TTN: variants seen among roughly 807,000 people sequenced by gnomAD.
TTN encodes titin.
TTN carries 1,525 observed loss-of-function variants against 3,223.0 expected under a neutral mutation model. That is an observed-to-expected ratio of 0.47 (90% CI 0.45 to 0.49). The LOEUF is 0.49. Ranked by LOEUF, TTN falls within the 20% of genes least tolerant of loss-of-function variation. TTN has a pLI of 0.00. For missense variants in TTN, 40,786 were observed against 43,424.0 expected, an observed-to-expected ratio of 0.94 and a Z score of 5.40; for synonymous variants, 14,094 against 15,161.0, an observed-to-expected ratio of 0.93 and a Z score of 5.17.
rs1350090724 is a variant in TTN, at chr2:178,566,650, T to C, written c.79482A>G (p.Ala26494=). 1 of 1,612,998 alleles carries C rather than the reference T, an allele frequency of 6.2e-7. No individual in the cohort carries two copies. The highest frequency in any genetic ancestry group is 1.7e-5 in the Admixed American group (1 of 59,994). ...PVFKPGPPTN[A]HIVDTTKNSI... ...AATTTTTAGTGGTGTCTACAATGTG[T>C]GCATTGGTAGGTGGGCCAGGTTTGA... Residue 26494 remains alanine, a synonymous_variant, in exon 326 of 363, where the codon GCA becomes GCG. Coordinates refer to ENST00000589042, the MANE Select transcript of TTN (RefSeq NM_001267550.2).
rs764161774 is a variant in TTN at position 178,553,534 on chromosome 2, A to C, written c.89471T>G (p.Met29824Arg). 7.4e-6 allele frequency: 12 copies of C among 1,613,452 alleles called. No individual in the cohort carries two copies. Among genetic ancestry groups the C allele is most frequent in the Non-Finnish European group, 1.0e-5 (12 of 1,179,638 alleles). The change falls in exon 334 of 363, where the codon ATG (methionine) becomes AGG (arginine). Residue 29824 changes from methionine to arginine, a missense_variant. Met to Arg is a moderately conservative substitution (Grantham distance 91). Coordinates refer to ENST00000589042, the MANE Select transcript of TTN (RefSeq NM_001267550.2). ...NCAGQGEPIE[M>R]NEPVQAKDIL... ...ATCTTTAGCTTGTACAGGTTCATTC[A>C]TTTCTATAGGTTCTCCTTGTCCAGC...
At chr2:178,788,203 G>A (rs1432083569) in intron 13 of TTN, among the ~76,000 whole-genome samples, 1 of 152,060 alleles carries the variant, frequency 6.6e-6, no homozygotes, top group African/African-American at 2.4e-5. Flanking sequence ...CGAAAAAGAT[G>A]TATTTGTTTT....
rs2081160520 is a variant in TTN, at chr2:178,734,813, A to T, written c.15111T>A (p.Ala5037=). The change falls in exon 51 of 363, where the codon GCT becomes GCA. Residue 5037 remains alanine, a synonymous_variant. Coordinates refer to ENST00000589042, the MANE Select transcript of TTN (RefSeq NM_001267550.2). ...TVRMYFVNSE[A]ILDITDVKVE... ...CTTTTACATCCGTAATATCAAGTAT[A>T]GCCTCAGAATTGACAAAATACATTC... 1.9e-6 allele frequency: 3 copies of T among 1,613,732 alleles called. No individual in the cohort carries two copies. Among genetic ancestry groups the T allele is most frequent in the Admixed American group, 1.7e-5 (1 of 59,986 alleles).
In TTN at chr2:178,575,799, T is replaced by C. The variant is rs1216746795; in HGVS notation, c.70333A>G (p.Thr23445Ala). Residue 23445 changes from threonine to alanine, a missense_variant, in exon 326 of 363, where the codon ACA becomes GCA. Transcript: ENST00000589042. This position sits in a 1 kb window ranked among gnomAD's most constrained non-coding sequence, Gnocchi z 4.0. ...TPGPVLNLRP[T>A]DITKDSVTLH... ...GTGACACTGTCCTTTGTGATGTCTG[T>C]AGGCCGCAGGTTGAGGACTGGGCCT... 3.1e-6 allele frequency: 5 copies of C among 1,613,206 alleles called. No individual in the cohort carries two copies. Among genetic ancestry groups the C allele is most frequent in the Non-Finnish European group, 4.2e-6 (5 of 1,179,302 alleles).
At chr2:178,725,276 T>C in intron 71 of TTN, 92 bp downstream of exon 71, 1 of 1,330,904 alleles carries the variant, frequency 7.5e-7, no homozygotes, top group South Asian at 1.9e-5. Context: ...AATATAGTTC[T>C]AGAAGAAACT....
chr2:178,689,003 ATTTTT>A (rs35770337), intron 125 of TTN, 45 bp downstream of exon 125: 4,578 of 996,134 alleles, frequency 4.6e-3, no homozygotes, highest in Non-Finnish European at 5.5e-3. Flanking sequence ...ACACTCGAAG[ATTTTT>A]TTTTTTTTTT....
rs869312059 is a variant in TTN at position 178,564,862 on chromosome 2, AAGCATCTG to A, written c.81262_81269del (p.Gln27088CysfsTer5). The A allele has an allele frequency of 6.2e-7, 1 of 1,613,034 alleles. No individual in the cohort carries two copies. Among genetic ancestry groups the A allele is most frequent in the Non-Finnish European group, 8.5e-7 (1 of 1,179,570 alleles). Reference sequence around the variant, plus strand: ...CATTCACTGGCTCATGCCATTGCACAAGCATCTGATCTTTTGAGATTGATGTCACAAAA... The same window carrying A: ...CATTCACTGGCTCATGCCATTGCACAATCTTTTGAGATTGATGTCACAAAA... On this transcript the variant is annotated frameshift_variant, in exon 326 of 363. Coordinates refer to ENST00000589042, the MANE Select transcript of TTN (RefSeq NM_001267550.2). LOFTEE classifies it high-confidence loss of function.
chr2:178,563,269 A>G lies in TTN; in HGVS notation c.82863T>C (p.Thr27621=), dbSNP rs1016049802. 1 of 1,613,508 alleles carries G rather than the reference A, an allele frequency of 6.2e-7. No homozygotes were observed. The highest frequency in any genetic ancestry group is 1.3e-5 in the African/African-American group (1 of 74,886). ...EAAADEWTTC[T]PPTGLQGKQF... is the part of the protein sequence containing the mutation. ...GCTTTCCTTGTAATCCTGTTGGTGG[A>G]GTGCAGGTTGTCCATTCATCCGCAG... The change falls in exon 326 of 363, where the codon ACT becomes ACC. Residue 27621 remains threonine, a synonymous_variant. Transcript: ENST00000589042. The surrounding 1 kb of genome is among the most constrained non-coding windows in gnomAD (Gnocchi z 4.5).
chr2:178,680,803 G>A (rs1256497741), intron 138 of TTN, among the ~76,000 whole-genome samples: 2 of 152,014 alleles, frequency 1.3e-5, no homozygotes, highest in Non-Finnish European at 2.9e-5. Flanking sequence ...TATGCCAAAC[G>A]GTCACTGATT....
In TTN at chr2:178,570,662, C is replaced by T. The variant is rs779410073; in HGVS notation, c.75470G>A (p.Arg25157Gln). Residue 25157 changes from arginine (R) to glutamine (Q), a missense_variant, in exon 326 of 363, where the codon CGA (arginine) becomes CAA (glutamine). Transcript: ENST00000589042. ...AAAGTCGGTGCTCTTTATTTCTAAT[C>T]GAGCTGTGTTTGAAAGCTCCTGATC... ...KGDQELSNTA[R>Q]LEIKSTDFAT... The T allele has an allele frequency of 8.7e-6, 14 of 1,613,344 alleles. No individual in the cohort carries two copies. The highest frequency in any genetic ancestry group is 1.3e-5 in the African/African-American group (1 of 74,886).
In TTN at chr2:178,756,494, T is replaced by G. The variant is rs2087010356; in HGVS notation, c.10982A>C (p.Lys3661Thr). 1 of 1,613,862 alleles carries G rather than the reference T, an allele frequency of 6.2e-7. No homozygotes were observed. Among genetic ancestry groups the G allele is most frequent in the Non-Finnish European group, 8.5e-7 (1 of 1,179,818 alleles). ...CAKESTGEAP[K>T]IFLHLQDVTV... ...GACGTCCTGAAGATGCAGGAAAATC[T>G]TGGGCGCCTCACCCGTGGACTCTTT... is the stretch of plus-strand genomic sequence containing the variant. The change falls in exon 46 of 363, where the codon AAG (lysine) becomes ACG (threonine). Residue 3661 changes from lysine to threonine, a missense_variant. By Grantham distance (78) the Lys-to-Thr change is moderately conservative (BLOSUM62 -1). Coordinates refer to ENST00000589042, the MANE Select transcript of TTN (RefSeq NM_001267550.2).
At chr2:178,672,520 G>T in intron 153 of TTN, 39 bp from the exon 154 acceptor site, 1 of 1,602,266 alleles carries the variant, frequency 6.2e-7, no homozygotes, top group South Asian at 1.1e-5. Flanking sequence ...ACTGTCGAGA[G>T]CAAGCTTTCA....
Position 178,717,743 on chromosome 2 carries a change from A to C in TTN, c.25131T>G (p.Val8377=). The C allele has an allele frequency of 4.3e-6, 7 of 1,613,282 alleles. No individual in the cohort carries two copies. The highest frequency in any genetic ancestry group is 5.9e-6 in the Non-Finnish European group (7 of 1,179,558). Residue 8377 remains valine, a synonymous_variant, in exon 87 of 363, where the codon GTT becomes GTG. Transcript: ENST00000589042. ...KDVHETLGFP[V]AFECRINGSE... ...AGCCATTGATGCGGCATTCAAATGC[A>C]ACTGGGAAGCCTAGAGTCTCATGAA...
Position 178,556,909 on chromosome 2 carries a change from A to G in TTN, c.88245T>C (p.Ala29415=). ...QYEFRVFARN[A]VGSISNPSEV... ...CAGATGGATTGCTAATGGAACCAACAGCATTCCTAGCAAAGACACGGAATT... is the reference window on the plus strand; with the variant it reads ...CAGATGGATTGCTAATGGAACCAACGGCATTCCTAGCAAAGACACGGAATT... Residue 29415 remains alanine (A), a synonymous_variant, in exon 330 of 363, where the codon GCT becomes GCC. Transcript: ENST00000589042. The G allele has an allele frequency of 1.9e-6, 3 of 1,613,852 alleles. No individual in the cohort carries two copies. Among genetic ancestry groups the G allele is most frequent in the Non-Finnish European group, 2.5e-6 (3 of 1,179,808 alleles).
At position 178,673,684 on chromosome 2, in the gene TTN, G is replaced by T; in HGVS notation, c.34735C>A (p.Pro11579Thr). The change falls in exon 152 of 363, where the codon CCT becomes ACT. Residue 11579 changes from proline to threonine, a missense_variant. Physicochemically the swap from Pro to Thr is conservative, Grantham distance 38. Coordinates refer to ENST00000589042, the MANE Select transcript of TTN (RefSeq NM_001267550.2). ...RVPEVIKKAV[P>T]EAPTPVPKKV... Reference sequence around the variant, plus strand: ...TTAGGAACAGGAGTAGGTGCTTCAGGTACTGCTTTCTTAATCACTTCAGGC... The same window carrying T: ...TTAGGAACAGGAGTAGGTGCTTCAGTTACTGCTTTCTTAATCACTTCAGGC... 1.3e-6 allele frequency: 2 copies of T among 1,590,320 alleles called. No homozygotes were observed. The highest frequency in any genetic ancestry group is 2.4e-5 in the South Asian group (2 of 84,766).
chr2:178,544,614 C>T lies in TTN; in HGVS notation c.95723-108G>A, dbSNP rs575440205. 3.1e-5 allele frequency: 28 copies of T among 890,060 alleles called. No individual in the cohort carries two copies. In the East Asian group the frequency reaches 6.9e-4, roughly 22 times the overall value. 55.1% of individuals were successfully genotyped at this position (890,060 alleles called of 1,614,324 possible). A position where few individuals can be genotyped will look rare whatever the true frequency, so the allele number is the denominator to read the frequency against. The stretch of plus-strand genomic sequence containing the variant: ...AAAGGCATTATTGCTCTTGTCCACA[C>T]TCACCAAGATAATCTTTATTAACTG... On this transcript the variant is annotated intron_variant, in intron 344 of 362. Transcript: ENST00000589042.
At chr2:178,643,411 C>A (rs187415816) in intron 218 of TTN, among the ~76,000 whole-genome samples, 43 of 151,842 alleles carry the variant, frequency 2.8e-4, no homozygotes, top group African/African-American at 1.0e-3. Flanking sequence ...TTAAACATTA[C>A]GTATTTTATC....
At position 178,589,589 on chromosome 2, in the gene TTN, G is replaced by A. The variant is rs901971997; in HGVS notation, c.62136C>T (p.Ser20712=). The A allele has an allele frequency of 1.7e-5, 27 of 1,613,226 alleles. No homozygotes were observed. In the Admixed American group the frequency reaches 3.8e-4, roughly 23 times the overall value. Residue 20712 remains serine (S), a synonymous_variant, in exon 304 of 363, where the codon TCC becomes TCT. Coordinates refer to ENST00000589042, the MANE Select transcript of TTN (RefSeq NM_001267550.2). ...CTTTATGCACTCTTTCCCAGTCATCGGAGCCCTTAAGCCTTCTCTCAACAT... is the reference window on the plus strand; with the variant it reads ...CTTTATGCACTCTTTCCCAGTCATCAGAGCCCTTAAGCCTTCTCTCAACAT... The part of the protein sequence containing the change: ...SYHVERRLKG[S]DDWERVHKGS...
In TTN at chr2:178,587,373, T is replaced by G; in HGVS notation, c.63838A>C (p.Lys21280Gln). The G allele has an allele frequency of 6.2e-7, 1 of 1,611,896 alleles. No homozygotes were observed. Among genetic ancestry groups the G allele is most frequent in the Non-Finnish European group, 8.5e-7 (1 of 1,178,940 alleles). Reference sequence around the variant, plus strand: ...GCCCAGGACACATGGCATGATGTTTTAGTGACATCTGAAACTTTTAAATCA... The same window carrying G: ...GCCCAGGACACATGGCATGATGTTTGAGTGACATCTGAAACTTTTAAATCA... Reference protein sequence around the residue: ...VSDLKVSDVTKTSCHVSWAPP... With the variant: ...VSDLKVSDVTQTSCHVSWAPP... The change falls in exon 307 of 363, where the codon AAA becomes CAA. Residue 21280 changes from lysine (K) to glutamine (Q), a missense_variant. Physicochemically the swap from Lys to Gln is moderately conservative, Grantham distance 53 (BLOSUM62 1). Transcript: ENST00000589042.
Sources: gnomAD v4.1 joint callset for allele counts (sites outside exome capture counted in the v4.1 genomes callset) on GRCh38, gnomAD v4.1.1 for gene constraint, Gnocchi (gnomAD v3.1) non-coding constraint, MANE v1.5 for transcripts, NCBI Gene and HGNC (gene_info 2026-07-23, HGNC 2026-07-21) for gene names.